Variants in FUBP3 observed in about 807,000 individuals in gnomAD.
FUBP3 encodes far upstream element binding protein 3.
A neutral mutation model predicts 85.6 loss-of-function variants in FUBP3; 28 were observed. That is an observed-to-expected ratio of 0.33 (90% CI 0.24 to 0.45). The LOEUF is 0.45. Among genes scored for constraint, FUBP3 ranks in the 20% least tolerant of loss-of-function variants. FUBP3 has a pLI of 1.00. For missense variants in FUBP3, 583 were observed against 755.1 expected (o/e 0.77, Z 2.67); for synonymous variants, 271 against 271.4 (o/e 1.00, Z 0.01).
At chr9:130,600,735 G>A (rs1419821516) in intron 2 of FUBP3, among the ~76,000 whole-genome samples, 1 of 152,170 alleles carries the variant, frequency 6.6e-6, no homozygotes, top group African/African-American at 2.4e-5. Flanking sequence ...CACTTTGGGA[G>A]GCCGAGGTGG....
Position 130,635,704 on chromosome 9 carries a change from C to T in FUBP3, c.1583-295C>T, listed in dbSNP as rs541694438. On this transcript the variant is annotated intron_variant, in intron 17 of 18. Transcript: ENST00000319725. The surrounding 1 kb of genome is among the most constrained non-coding windows in gnomAD (Gnocchi z 4.3). The stretch of plus-strand genomic sequence containing the variant: ...CCAGGATCCCCCCTTCTCTGTCTGT[C>T]ACAGGGCCCTGGGAGCTGAAGGGGC... 4.3e-4 allele frequency among the ~76,000 whole-genome samples: 64 copies of T among 147,490 alleles called. 1 individual carries two copies. The highest frequency in any genetic ancestry group is 1.7e-3 in the East Asian group (8 of 4,580).
At position 130,614,303 on chromosome 9, in the gene FUBP3, C is replaced by T; in HGVS notation, c.362C>T (p.Pro121Leu). ...IQIASESSGI[P>L]ERPCVLTGTP... ...CTTCTTATAGAGAGTTCTGGGATTC[C>T]AGAGAGGCCCTGTGTACTTACCGGA... is the stretch of plus-strand genomic sequence containing the variant. Residue 121 changes from proline (P) to leucine (L), a missense_variant, in exon 6 of 19, where the codon CCA becomes CTA. Pro to Leu is a moderately conservative substitution (Grantham distance 98). Around this residue, in one of 3 missense-constraint regions of FUBP3, gnomAD observed 177 missense variants for 221.9 expected, o/e 0.80. Coordinates refer to ENST00000319725, the MANE Select transcript of FUBP3 (RefSeq NM_003934.2). The T allele has an allele frequency of 6.2e-7, 1 of 1,604,844 alleles. No individual in the cohort carries two copies. Among genetic ancestry groups the T allele is most frequent in the Non-Finnish European group, 8.5e-7 (1 of 1,171,830 alleles).
At chr9:130,610,606 A>T (rs1009117130) in intron 3 of FUBP3, among the ~76,000 whole-genome samples, 2 of 152,230 alleles carry the variant, frequency 1.3e-5, no homozygotes, top group African/African-American at 4.8e-5. Flanking sequence ...AAGATGGGGT[A>T]TGTGTGGTCA....
At position 130,636,423 on chromosome 9, in the gene FUBP3, C is replaced by T. The variant is rs1830422261; in HGVS notation, c.1710+297C>T. On this transcript the variant is annotated intron_variant, in intron 18 of 18. Transcript: ENST00000319725. ...AGACCTCAGGGCTGATTAGTAGTCTCTCTCTTCCTCTAAGCCTCAGTTTCC... is the reference window on the plus strand; with the variant it reads ...AGACCTCAGGGCTGATTAGTAGTCTTTCTCTTCCTCTAAGCCTCAGTTTCC... Among the ~76,000 whole-genome samples, 3 of 152,282 alleles carry T rather than the reference C, an allele frequency of 2.0e-5. 1 individual carries two copies. The highest frequency in any genetic ancestry group is 4.1e-4 in the South Asian group (2 of 4,838).
At chr9:130,580,551 A>C (rs1216565977) in intron 1 of FUBP3, 1 of 152,232 alleles carries the variant, frequency 6.6e-6, no homozygotes, top group Non-Finnish European at 1.5e-5. Flanking sequence ...CTAACACTTC[A>C]GCTTCCTCGG....
In FUBP3 at chr9:130,623,656, C is replaced by T. The variant is rs528138061; in HGVS notation, c.920C>T (p.Pro307Leu). Reference sequence around the variant, plus strand: ...AGAGCTGCCCAGGTCATGGGCCCTCCGGATCGGTGTCAGCATGCAGCGCAT... The same window carrying T: ...AGAGCTGCCCAGGTCATGGGCCCTCTGGATCGGTGTCAGCATGCAGCGCAT... ...PERAAQVMGP[P>L]DRCQHAAHII... is the part of the protein sequence containing the mutation. Residue 307 changes from proline (P) to leucine (L), a missense_variant, in exon 11 of 19, where the codon CCG becomes CTG. Physicochemically the swap from Pro to Leu is moderately conservative, Grantham distance 98 (BLOSUM62 -3). Transcript: ENST00000319725. 55 of 1,613,954 alleles carry T rather than the reference C, an allele frequency of 3.4e-5. No homozygotes were observed. Among genetic ancestry groups the T allele is most frequent in the South Asian group, 2.5e-4 (23 of 91,082 alleles).
Position 130,579,671 on chromosome 9 carries a change from G to GACGGCGGC in FUBP3, c.-10_-9insACGGCGGC. On this transcript the variant is annotated 5_prime_UTR_variant, in exon 1 of 19. Transcript: ENST00000319725. ...CGTCGGCGGCGGCGGCGACGGCGGC[G>GACGGCGGC]GGGGCGGTAATGGCGGAGCTGGTGC... The GACGGCGGC allele has an allele frequency of 8.0e-7, 1 of 1,248,990 alleles. No homozygotes were observed. Among genetic ancestry groups the GACGGCGGC allele is most frequent in the Non-Finnish European group, 1.0e-6 (1 of 995,166 alleles). 77.4% of individuals were successfully genotyped at this position (1,248,990 alleles called of 1,614,324 possible).
Position 130,620,380 on chromosome 9 carries a change from T to G in FUBP3, c.693T>G (p.Ile231Met). ...AAGCAAGAGAAATGGTACTAGAGAT[T>G]ATCCGAGAAAAAGACCAAGCTGACT... ...VQQAREMVLEIIREKDQADFR... is the reference protein window; with the variant it reads ...VQQAREMVLEMIREKDQADFR... Residue 231 changes from isoleucine (I) to methionine (M), a missense_variant, in exon 9 of 19, where the codon ATT becomes ATG. Ile to Met is a conservative substitution (Grantham distance 10). This residue lies in a region of FUBP3 where 404 missense variants were observed against 516.8 expected (regional missense o/e 0.78). Transcript: ENST00000319725. The G allele has an allele frequency of 6.2e-7, 1 of 1,602,408 alleles. No individual in the cohort carries two copies. Among genetic ancestry groups the G allele is most frequent in the Non-Finnish European group, 8.5e-7 (1 of 1,173,290 alleles).
In FUBP3 at chr9:130,627,670, G is replaced by A. The variant is rs1256083763; in HGVS notation, c.1117+1165G>A. ...GGGCTGGTGAGTGTTTGGGGATATTGCAGGCTGCACCAGATGCTGCCAGAA... is the reference window on the plus strand; with the variant it reads ...GGGCTGGTGAGTGTTTGGGGATATTACAGGCTGCACCAGATGCTGCCAGAA... On this transcript the variant is annotated intron_variant, in intron 12 of 18. Transcript: ENST00000319725. Among the ~76,000 whole-genome samples the A allele has an allele frequency of 3.3e-5, 5 of 152,206 alleles. No individual in the cohort carries two copies. The East Asian group carries it at 5.8e-4, about 18-fold the overall frequency.
At chr9:130,619,015 T>C (rs1353289665) in intron 8 of FUBP3, among the ~76,000 whole-genome samples, 2 of 152,150 alleles carry the variant, frequency 1.3e-5, no homozygotes, top group Non-Finnish European at 2.9e-5. Context: ...CAGTTGGGCA[T>C]TTAAGGAACC....
intron 2 of FUBP3, among the ~76,000 whole-genome samples, chr9:130,608,768 G>A (rs11790821): frequency 0.035 from 5,326 of 152,224 alleles, 124 homozygotes; most frequent in Non-Finnish European, 0.053. Flanking sequence ...TAGTAGCTTC[G>A]TTTGCTTTTT....
chr9:130,626,466 A>T lies in FUBP3; in HGVS notation c.1078A>T (p.Thr360Ser), dbSNP rs777858358. 1 of 1,613,980 alleles carries T rather than the reference A, an allele frequency of 6.2e-7. No individual in the cohort carries two copies. The highest frequency in any genetic ancestry group is 8.5e-7 in the Non-Finnish European group (1 of 1,180,014). The change falls in exon 12 of 19, where the codon ACG (threonine) becomes TCG (serine). Residue 360 changes from threonine to serine, a missense_variant. Thr to Ser is a moderately conservative substitution (Grantham distance 58). Around this residue, in one of 3 missense-constraint regions of FUBP3, gnomAD observed 404 missense variants for 516.8 expected, o/e 0.78. Coordinates refer to ENST00000319725, the MANE Select transcript of FUBP3 (RefSeq NM_003934.2). ...TGGTGGCGTCCAGGAGATAACATAC[A>T]CGGTGCCAGCCGATAAGTGTGGCCT... The part of the protein sequence containing the change: ...APGGVQEITY[T>S]VPADKCGLVI...
In FUBP3 at chr9:130,598,830, A is replaced by AG. The variant is rs529573288; in HGVS notation, c.190+3244dup. Among the ~76,000 whole-genome samples the AG allele has an allele frequency of 9.1e-4, 139 of 152,278 alleles. 2 individuals carry two copies. The highest frequency in any genetic ancestry group is 6.8e-3 in the Middle Eastern group (2 of 294). ...GTGAGTCTAAAGAATTTTCCCCCAA[A>AG]GGCTCCCACATCTAAAAACAGTGGC... On this transcript the variant is annotated intron_variant, in intron 2 of 18. Coordinates refer to ENST00000319725, the MANE Select transcript of FUBP3 (RefSeq NM_003934.2).
At chr9:130,583,800 T>C (rs533294937) in intron 1 of FUBP3, among the ~76,000 whole-genome samples, 2 of 152,322 alleles carry the variant, frequency 1.3e-5, no homozygotes, top group Non-Finnish European at 1.5e-5. Context: ...ATACTGGGTA[T>C]TGGAAAGTAG....
Position 130,635,809 on chromosome 9 carries a change from C to T in FUBP3, c.1583-190C>T, listed in dbSNP as rs886471692. 26 of 600,878 alleles carry T rather than the reference C, an allele frequency of 4.3e-5. No homozygotes were observed. Among genetic ancestry groups the T allele is most frequent in the Admixed American group, 3.6e-4 (12 of 32,948 alleles). The allele number at this position is 600,878 out of a possible 1,614,324, so 37.2% of individuals were successfully genotyped here. On this transcript the variant is annotated intron_variant, in intron 17 of 18. Transcript: ENST00000319725. This position sits in a 1 kb window ranked among gnomAD's most constrained non-coding sequence, Gnocchi z 4.3. ...TGGTCTTCACAGGCATAGCAGGGGC[C>T]GGGCAACAAGAGGCTAACAGCACCT...
At chr9:130,622,842 TAAAAAAAAA>T in intron 10 of FUBP3, 32 bp downstream of exon 10, 1 of 826,528 alleles carries the variant, frequency 1.2e-6, no homozygotes, top group Non-Finnish European at 1.9e-6. Flanking sequence ...TCCTTAGTGT[TAAAAAAAAA>T]AAAAAATCCT....
chr9:130,630,091 G>A (rs937804642), intron 12 of FUBP3, among the ~76,000 whole-genome samples: 1 of 152,256 alleles, frequency 6.6e-6, no homozygotes, highest in Non-Finnish European at 1.5e-5. Flanking sequence ...GACTTGAGAA[G>A]TGACAGGGTG....
At chr9:130,606,926 T>C (rs1218293470) in intron 2 of FUBP3, among the ~76,000 whole-genome samples, 1 of 152,168 alleles carries the variant, frequency 6.6e-6, no homozygotes, top group African/African-American at 2.4e-5. Context: ...TTTTCTTCAC[T>C]AATAGGGAAA....
intron 2 of FUBP3, among the ~76,000 whole-genome samples, chr9:130,601,904 T>C (rs1032668345): frequency 1.3e-5 from 2 of 150,068 alleles, no homozygotes; most frequent in Non-Finnish European, 2.9e-5. Context: ...CAGGTTCAAG[T>C]GATTCTCCTG....
Sources: allele counts gnomAD v4.1 joint callset (sites outside exome capture counted in the v4.1 genomes callset), GRCh38; gene constraint gnomAD v4.1.1; regional missense constraint gnomAD v4.1.1; non-coding constraint Gnocchi (gnomAD v3.1); transcripts MANE v1.5; gene names NCBI Gene and HGNC (gene_info 2026-07-23, HGNC 2026-07-21).